Variants in BOC observed in about 807,000 individuals in gnomAD.
BOC encodes BOC cell adhesion associated, oncogene regulated, also known as brother of CDO.
Under a neutral mutation model 112.0 loss-of-function variants are expected in BOC, and 76 were observed. That is an observed-to-expected ratio of 0.68 (90% confidence interval 0.56 to 0.82). The LOEUF (loss-of-function observed/expected upper bound fraction) is 0.82, where lower values mean the gene tolerates loss of function less well. Ranked by LOEUF, BOC falls within the 40% of genes least tolerant of loss-of-function variation. BOC has a pLI of 0.00. For missense variants in BOC, 1,309 were observed against 1,511.7 expected (o/e 0.87, Z 2.22); for synonymous variants, 580 against 599.8 (o/e 0.97, Z 0.48).
At chr3:113,236,284 A>ATATATATATATATATATACCCATGGG (rs1559821605) in intron 2 of BOC, among the ~76,000 whole-genome samples, 4 of 5,128 alleles carry the variant, frequency 7.8e-4, no homozygotes, top group African/African-American at 1.9e-3. Flanking sequence ...ACCCATGGGT[A>ATATATATATATATATATACCCATGGG]TATATATATA....
In BOC at chr3:113,250,687, G is replaced by A. The variant is rs1945507253; in HGVS notation, c.230G>A (p.Gly77Asp). ...TWRLNGKELN[G>D]SDDALGVLIT... ...CGCCTGAATGGAAAGGAGCTGAATG[G>A]CTCGGATGATGCTCTGGGTGTCCTC... Residue 77 changes from glycine to aspartate, a missense_variant, in exon 4 of 20, where the codon GGC becomes GAC. Transcript: ENST00000682979. 1.9e-6 allele frequency: 3 copies of A among 1,614,040 alleles called. No homozygotes were observed. The South Asian group carries it at 3.3e-5, about 18-fold the overall frequency.
Position 113,249,765 on chromosome 3 carries a change from G to A in BOC, c.-38G>A, listed in dbSNP as rs1373367756. ...AGTATCTCTTTGTGTGACCCTGGCG[G>A]CTTATGGGACGTTGGCTTCAGACCT... is the stretch of plus-strand genomic sequence containing the variant. On this transcript the variant is annotated 5_prime_UTR_variant, in exon 3 of 20. Transcript: ENST00000682979. 1.9e-6 allele frequency: 3 copies of A among 1,561,486 alleles called. No individual in the cohort carries two copies. Among genetic ancestry groups the A allele is most frequent in the Non-Finnish European group, 2.6e-6 (3 of 1,144,854 alleles).
chr3:113,279,136 G>A (rs982072597), intron 11 of BOC, 113 bp from the exon 12 acceptor site: 11 of 1,078,782 alleles, frequency 1.0e-5, no homozygotes, highest in East Asian at 2.6e-5. Context: ...GGGGAGGAGC[G>A]GGCCCGTCAG....
chr3:113,237,458 C>CA (rs1234824331), intron 2 of BOC, among the ~76,000 whole-genome samples: 1 of 152,198 alleles, frequency 6.6e-6, no homozygotes, highest in African/African-American at 2.4e-5. Flanking sequence ...GATGGTGGCA[C>CA]AGGCATGGTC....
chr3:113,252,916 G>T (rs1945809691), intron 4 of BOC, among the ~76,000 whole-genome samples: 1 of 152,158 alleles, frequency 6.6e-6, no homozygotes, highest in South Asian at 2.1e-4. Flanking sequence ...CTGCTATGAG[G>T]CTTGGGTGTT....
intron 15 of BOC, among the ~76,000 whole-genome samples, chr3:113,283,159 T>C (rs1949345566): frequency 6.6e-6 from 1 of 152,202 alleles, no homozygotes; most frequent in South Asian, 2.1e-4. Context: ...CCAACTCTAG[T>C]GCATGGCTCA....
intron 1 of BOC, 118 bp from the exon 2 acceptor site, chr3:113,216,069 T>C (rs1273076659): frequency 3.5e-6 from 1 of 287,278 alleles, no homozygotes; most frequent in Non-Finnish European, 7.1e-6. Flanking sequence ...TGTTTTCTTA[T>C]TTATAAAATG....
In BOC at chr3:113,286,654, T is replaced by A. The variant is rs1402662760; in HGVS notation, c.3161-21T>A. ...CTCGGTCAATCTGGATTTTAATGGT[T>A]CCTACTCTTTCTCCCCTCAGGGCCC... On this transcript the variant is annotated intron_variant, in intron 19 of 19. Coordinates refer to ENST00000682979, the MANE Select transcript of BOC (RefSeq NM_001378074.1). 3.9e-6 allele frequency: 6 copies of A among 1,545,468 alleles called. No homozygotes were observed. The Admixed American group carries it at 1.2e-4, about 31-fold the overall frequency.
At chr3:113,226,022 G>A (rs900474916) in intron 2 of BOC, among the ~76,000 whole-genome samples, 1 of 152,310 alleles carries the variant, frequency 6.6e-6, no homozygotes, top group Non-Finnish European at 1.5e-5. Context: ...ACTGGCTTCC[G>A]TGGATACACA....
chr3:113,239,304 C>T (rs115820094), intron 2 of BOC, among the ~76,000 whole-genome samples: 18 of 152,184 alleles, frequency 1.2e-4, no homozygotes, highest in African/African-American at 3.9e-4. Context: ...AGAGTCCATA[C>T]AACTGATCAG....
intron 4 of BOC, among the ~76,000 whole-genome samples, chr3:113,252,995 A>G (rs1322351621): frequency 6.6e-6 from 1 of 152,160 alleles, no homozygotes; most frequent in South Asian, 2.1e-4. Context: ...TACGTTTCCT[A>G]TCATTGTACA....
intron 7 of BOC, 149 bp downstream of exon 7, chr3:113,272,852 T>G: frequency 8.8e-7 from 1 of 1,132,410 alleles, no homozygotes; most frequent in Admixed American, 2.4e-5. Context: ...GAGTCAGGGC[T>G]CTTCGGATCC....
intron 9 of BOC, among the ~76,000 whole-genome samples, chr3:113,276,268 G>A (rs927060057): frequency 2.6e-5 from 4 of 152,238 alleles, no homozygotes; most frequent in African/African-American, 7.2e-5. Flanking sequence ...AGGCCATGCC[G>A]TGGTGATCCG....
At chr3:113,283,870 T>C (rs1949422595) in intron 16 of BOC, among the ~76,000 whole-genome samples, 1 of 151,822 alleles carries the variant, frequency 6.6e-6, no homozygotes, top group Non-Finnish European at 1.5e-5. Flanking sequence ...TCGGGACCTA[T>C]GTTGTGCCAT....
intron 2 of BOC, among the ~76,000 whole-genome samples, chr3:113,234,150 T>C (rs1943100315): frequency 6.6e-6 from 1 of 152,112 alleles, no homozygotes; most frequent in Admixed American, 6.5e-5. Context: ...GTGTAGATGA[T>C]AAAGCTGAAG....
At position 113,287,210 on chromosome 3, in the gene BOC, A is replaced by C. The variant is rs1949768119; in HGVS notation, c.*348A>C. On this transcript the variant is annotated 3_prime_UTR_variant, in exon 20 of 20. Transcript: ENST00000682979. The stretch of plus-strand genomic sequence containing the variant: ...TGGCAAGAGGAAGGATCCCAGGCAC[A>C]TGGTTCATCACGAGCATGAGGGAAC... 2.6e-6 allele frequency: 1 copy of C among 384,360 alleles called. No individual in the cohort carries two copies. The allele number at this position is 384,360 out of a possible 1,614,324, so 23.8% of individuals were successfully genotyped here. A position where few individuals can be genotyped will look rare whatever the true frequency, so the allele number is the denominator to read the frequency against.
chr3:113,278,729 G>A lies in BOC; in HGVS notation c.1762G>A (p.Asp588Asn), dbSNP rs781559064. The A allele has an allele frequency of 1.8e-5, 28 of 1,567,696 alleles. No individual in the cohort carries two copies. Among genetic ancestry groups the A allele is most frequent in the Non-Finnish European group, 6.9e-6 (8 of 1,156,228 alleles). ...CAAAGAGCAGCAGATCCAGAGAGAC[G>A]ACCCTGGAGCCAGTCCCCAGAGCAG... ...ASKEQQIQRDDPGASPQSSSQ... is the reference protein window; with the variant it reads ...ASKEQQIQRDNPGASPQSSSQ... The change falls in exon 11 of 20, where the codon GAC becomes AAC. Residue 588 changes from aspartate to asparagine, a missense_variant. Coordinates refer to ENST00000682979, the MANE Select transcript of BOC (RefSeq NM_001378074.1). This position sits in a 1 kb window ranked among gnomAD's most constrained non-coding sequence, Gnocchi z 4.2.
chr3:113,271,841 C>T (rs1948156292), intron 6 of BOC: 1 of 164,148 alleles, frequency 6.1e-6, no homozygotes, highest in Non-Finnish European at 1.3e-5. Context: ...ACAGCTTTCC[C>T]AGCTGTGCAC....
At chr3:113,279,202 C>A in intron 11 of BOC, 47 bp from the exon 12 acceptor site, 1 of 1,582,214 alleles carries the variant, frequency 6.3e-7, no homozygotes, top group Non-Finnish European at 8.7e-7. Flanking sequence ...TCCTTCCTCA[C>A]GTCATCTCAC....
Sources: gnomAD v4.1 joint callset for allele counts (sites outside exome capture counted in the v4.1 genomes callset) on GRCh38, gnomAD v4.1.1 for gene constraint, Gnocchi (gnomAD v3.1) non-coding constraint, MANE v1.5 for transcripts, NCBI Gene and HGNC (gene_info 2026-07-23, HGNC 2026-07-21) for gene names.